Variants in NRCAM observed in about 807,000 individuals in gnomAD.
NRCAM encodes NgCAM-related cell adhesion molecule.
NRCAM carries 83 observed loss-of-function variants against 156.5 expected under a neutral mutation model. That is an observed-to-expected ratio of 0.53 (90% CI 0.44 to 0.64). The LOEUF is 0.64. Among genes scored for constraint, NRCAM ranks in the 30% least tolerant of loss-of-function variants. The pLI, the probability that NRCAM is intolerant of heterozygous loss-of-function variation, is 0.00. For missense variants in NRCAM, 1,417 were observed against 1,597.3 expected (o/e 0.89, Z 1.92); for synonymous variants, 538 against 563.9 (o/e 0.95, Z 0.65).
intron 2 of NRCAM, among the ~76,000 whole-genome samples, chr7:108,348,355 G>T (rs1422580738): frequency 1.3e-5 from 2 of 152,110 alleles, no homozygotes; most frequent in Admixed American, 1.3e-4. Flanking sequence ...GACAAGTTCT[G>T]TTAGGCTGAG....
chr7:108,223,842 A>G lies in NRCAM; in HGVS notation c.779-6T>C. ...CCTCTCTCTACTTGATTTAGCTGCA[A>G]ACAAGAAAATCAGTATGCATTACAA... is the stretch of plus-strand genomic sequence containing the variant. On this transcript the variant is annotated splice_region_variant and splice_polypyrimidine_tract_variant and intron_variant, in intron 10 of 32. Coordinates refer to ENST00000379028, the MANE Select transcript of NRCAM (RefSeq NM_001037132.4). 1 of 1,413,538 alleles carries G rather than the reference A, an allele frequency of 7.1e-7. No homozygotes were observed. Among genetic ancestry groups the G allele is most frequent in the Admixed American group, 1.7e-5 (1 of 59,570 alleles). 87.6% of individuals were successfully genotyped at this position (1,413,538 alleles called of 1,614,324 possible).
intron 3 of NRCAM, among the ~76,000 whole-genome samples, chr7:108,247,618 T>C (rs73199575): frequency 6.6e-6 from 1 of 152,354 alleles, no homozygotes; most frequent in Non-Finnish European, 1.5e-5. Context: ...TAAATTATTT[T>C]AGCATAATTG....
At chr7:108,383,772 T>C (rs1311100472) in intron 2 of NRCAM, among the ~76,000 whole-genome samples, 2 of 152,204 alleles carry the variant, frequency 1.3e-5, no homozygotes, top group Non-Finnish European at 2.9e-5. Context: ...TGGGGAAATA[T>C]AAGAAATAAA....
chr7:108,167,629 T>C (rs1167929213), intron 29 of NRCAM, among the ~76,000 whole-genome samples: 1 of 152,204 alleles, frequency 6.6e-6, no homozygotes, highest in African/African-American at 2.4e-5. Context: ...CTGTTCAACA[T>C]TTTGTCACAA....
chr7:108,382,289 T>A (rs995109237), intron 2 of NRCAM, among the ~76,000 whole-genome samples: 8 of 151,696 alleles, frequency 5.3e-5, no homozygotes, highest in African/African-American at 1.5e-4. Context: ...TTGGTAGCAT[T>A]ATCCAGTCAA....
At chr7:108,426,283 C>T (rs1229471037) in intron 1 of NRCAM, among the ~76,000 whole-genome samples, 1 of 152,246 alleles carries the variant, frequency 6.6e-6, no homozygotes, top group Non-Finnish European at 1.5e-5. Context: ...CCCTAAAACT[C>T]TAGATGTTAC....
At chr7:108,177,963 C>A in intron 26 of NRCAM, 27 bp downstream of exon 26, 1 of 1,566,606 alleles carries the variant, frequency 6.4e-7, no homozygotes, top group Non-Finnish European at 8.6e-7. Flanking sequence ...AAACATATTT[C>A]CCCTTCTCTT....
intron 3 of NRCAM, among the ~76,000 whole-genome samples, chr7:108,281,323 C>G (rs2097851090): frequency 6.6e-6 from 1 of 151,686 alleles, no homozygotes; most frequent in Admixed American, 6.6e-5. Flanking sequence ...TTTTTAATCC[C>G]AACACTGTGG....
chr7:108,454,705 G>A (rs886581180), intron 1 of NRCAM, among the ~76,000 whole-genome samples: 2 of 152,166 alleles, frequency 1.3e-5, no homozygotes, highest in African/African-American at 4.8e-5. Context: ...AGAGGTTACT[G>A]TGTTCCTTTC....
At chr7:108,453,640 A>T (rs1003444679) in intron 1 of NRCAM, among the ~76,000 whole-genome samples, 8 of 152,208 alleles carry the variant, frequency 5.3e-5, no homozygotes, top group African/African-American at 1.9e-4. Flanking sequence ...AAATTCCTGG[A>T]TTATGTAAAA....
At chr7:108,255,417 C>T (rs2096587715) in intron 3 of NRCAM, among the ~76,000 whole-genome samples, 1 of 152,242 alleles carries the variant, frequency 6.6e-6, no homozygotes, top group South Asian at 2.1e-4. Flanking sequence ...ATCTGCCCAC[C>T]TGGGCCTCCC....
At chr7:108,157,855 T>C (rs1376124860) in intron 32 of NRCAM, among the ~76,000 whole-genome samples, 2 of 152,130 alleles carry the variant, frequency 1.3e-5, no homozygotes, top group Non-Finnish European at 2.9e-5. Flanking sequence ...ATGTGGAGAA[T>C]GTATGAAGGA....
At chr7:108,183,812 G>A (rs1160817533) in intron 22 of NRCAM, among the ~76,000 whole-genome samples, 1 of 152,186 alleles carries the variant, frequency 6.6e-6, no homozygotes, top group Non-Finnish European at 1.5e-5. Flanking sequence ...TGGGATTATA[G>A]GCGTGAGCTA....
intron 8 of NRCAM, among the ~76,000 whole-genome samples, chr7:108,227,632 T>A (rs1381091080): frequency 1.3e-5 from 2 of 152,108 alleles, no homozygotes; most frequent in Non-Finnish European, 2.9e-5. Flanking sequence ...AGTTCACACT[T>A]AGCCAGCTAA....
At chr7:108,271,158 A>G (rs2154048129) in intron 3 of NRCAM, among the ~76,000 whole-genome samples, 1 of 152,368 alleles carries the variant, frequency 6.6e-6, no homozygotes, top group South Asian at 2.1e-4. Context: ...ATATTTTACC[A>G]CAATAAAGAT....
Position 108,213,075 on chromosome 7 carries a change from A to T in NRCAM, c.891-3470T>A, listed in dbSNP as rs1431006842. On this transcript the variant is annotated intron_variant, in intron 11 of 32. Transcript: ENST00000379028. ...GCAGAAATCCTACAAGCTAGAAGGG[A>T]TTGGGGCCCTATCTTCAGCCTCCAC... Among the ~76,000 whole-genome samples the T allele has an allele frequency of 1.3e-5, 2 of 152,216 alleles. 1 individual carries two copies. The highest frequency in any genetic ancestry group is 2.9e-5 in the Non-Finnish European group (2 of 68,028).
At chr7:108,379,116 A>G (rs1035156069) in intron 2 of NRCAM, among the ~76,000 whole-genome samples, 2 of 152,172 alleles carry the variant, frequency 1.3e-5, no homozygotes, top group African/African-American at 4.8e-5. Context: ...CACATAAATA[A>G]TATTCCCAAA....
intron 1 of NRCAM, among the ~76,000 whole-genome samples, chr7:108,415,293 G>A (rs1484418347): frequency 1.3e-5 from 2 of 152,172 alleles, no homozygotes; most frequent in Non-Finnish European, 2.9e-5. Context: ...ATGTCTAATG[G>A]AGAAGGAGGT....
chr7:108,191,744 CA>C lies in NRCAM; in HGVS notation c.1887del (p.Val630CysfsTer24), dbSNP rs1234366888. The C allele has an allele frequency of 6.2e-7, 1 of 1,612,372 alleles. No individual in the cohort carries two copies. Among genetic ancestry groups the C allele is most frequent in the East Asian group, 2.2e-5 (1 of 44,852 alleles). ...NTTLDSVSASAVLSVVAPTPT... is the reference protein window; with the variant it reads ...NTTLDSVSASXVLSVVAPTPT... Reference sequence around the variant, plus strand: ...TCGTTCTTACCAACAACGCTAAGCACAGCGCTGGCGGAGACGCTGTCCAGAG... The same window carrying C: ...TCGTTCTTACCAACAACGCTAAGCACGCGCTGGCGGAGACGCTGTCCAGAG... On this transcript the variant is annotated frameshift_variant, in exon 18 of 33. Transcript: ENST00000379028. LOFTEE classifies it high-confidence loss of function.
Sources: gnomAD v4.1 joint callset for allele counts (sites outside exome capture counted in the v4.1 genomes callset) on GRCh38, gnomAD v4.1.1 for gene constraint, MANE v1.5 for transcripts, NCBI Gene and HGNC (gene_info 2026-07-23, HGNC 2026-07-21) for gene names.